The following LNX1 variants were observed in gnomAD, a reference collection of about 807,000 sequenced individuals.
LNX1 encodes E3 ubiquitin-protein ligase LNX.
LNX1 carries 54 observed loss-of-function variants against 68.4 expected under a neutral mutation model. The observed-to-expected ratio is 0.79, with a 90% confidence interval of 0.63 to 0.99. LNX1 has a LOEUF of 0.99. LNX1 is among the 50% of genes least tolerant of loss of function. The probability of loss-of-function intolerance (pLI) is 0.00; values close to 1 mark genes in which losing one functional copy is unlikely to be tolerated. For missense variants in LNX1, 906 were observed against 926.4 expected (o/e 0.98, Z 0.29); for synonymous variants, 336 against 350.0 (o/e 0.96, Z 0.45).
upstream of LNX1, among the ~76,000 whole-genome samples, chr4:53,592,777 G>A (rs1207279970): frequency 6.6e-6 from 1 of 152,148 alleles, no homozygotes; most frequent in African/African-American, 2.4e-5. Flanking sequence ...AAATGGGAGA[G>A]GGAAGAAAAG....
At chr4:53,489,606 T>G (rs1724548714) in intron 6 of LNX1, among the ~76,000 whole-genome samples, 2 of 152,210 alleles carry the variant, frequency 1.3e-5, no homozygotes, top group African/African-American at 4.8e-5. Context: ...AGAGGAAGGG[T>G]AGTGAAGTTT....
intron 6 of LNX1, among the ~76,000 whole-genome samples, chr4:53,487,665 C>T (rs945208551): frequency 3.0e-4 from 45 of 152,284 alleles, no homozygotes; most frequent in Admixed American, 2.4e-3. Flanking sequence ...CCACAGGAGA[C>T]TCATGCTTGA....
At chr4:53,539,914 C>T (rs1337351334) in intron 2 of LNX1, among the ~76,000 whole-genome samples, 1 of 152,216 alleles carries the variant, frequency 6.6e-6, no homozygotes, top group Non-Finnish European at 1.5e-5. Flanking sequence ...TTTCTACTGT[C>T]CTTGCATGGG....
intron 2 of LNX1, among the ~76,000 whole-genome samples, chr4:53,605,032 G>A (rs1376107409): frequency 6.6e-6 from 1 of 152,172 alleles, no homozygotes; most frequent in Non-Finnish European, 1.5e-5. Flanking sequence ...CATTAGCATA[G>A]TGAAGTGGAA....
Position 53,460,774 on chromosome 4 carries a change from G to T in LNX1, c.*133C>A. 1.1e-6 allele frequency: 1 copy of T among 921,648 alleles called. No homozygotes were observed. The highest frequency in any genetic ancestry group is 1.6e-6 in the Non-Finnish European group (1 of 620,534). 57.1% of individuals were successfully genotyped at this position (921,648 alleles called of 1,614,324 possible). ...TCTGAGGTGTAACTGGCTTTCATTA[G>T]ATGATCATACTTTTCCTGACATTTT... On this transcript the variant is annotated 3_prime_UTR_variant, in exon 11 of 11. Coordinates refer to ENST00000263925, the MANE Select transcript of LNX1 (RefSeq NM_001126328.3).
rs148527442 is a variant in LNX1, at chr4:53,496,955, G to A, written c.979-561C>T. 7.2e-3 allele frequency among the ~76,000 whole-genome samples: 1,100 copies of A among 152,288 alleles called. 11 individuals carry two copies. The highest frequency in any genetic ancestry group is 0.025 in the African/African-American group (1,035 of 41,552). On this transcript the variant is annotated intron_variant, in intron 5 of 10. Coordinates refer to ENST00000263925, the MANE Select transcript of LNX1 (RefSeq NM_001126328.3). Reference sequence around the variant, plus strand: ...TGTGAGCACGATGGAGTGTATGTGCGTGTGATACTGTGTGTGTGCGGATGG... The same window carrying A: ...TGTGAGCACGATGGAGTGTATGTGCATGTGATACTGTGTGTGTGCGGATGG...
intron 2 of LNX1, among the ~76,000 whole-genome samples, chr4:53,613,609 C>A (rs1733576445): frequency 6.6e-6 from 1 of 152,122 alleles, no homozygotes; most frequent in Non-Finnish European, 1.5e-5. Context: ...GCCTCCAGCT[C>A]CACCCATATT....
At chr4:53,560,477 T>C (rs1730208084) in intron 2 of LNX1, among the ~76,000 whole-genome samples, 1 of 152,226 alleles carries the variant, frequency 6.6e-6, no homozygotes, top group South Asian at 2.1e-4. Flanking sequence ...CCAGGTTTTA[T>C]TTATGCTGTT....
At chr4:53,579,802 G>A (rs1270200042) in intron 1 of LNX1, among the ~76,000 whole-genome samples, 4 of 152,144 alleles carry the variant, frequency 2.6e-5, no homozygotes, top group Admixed American at 2.6e-4. Flanking sequence ...AGATGTAGTT[G>A]CCAGAATAAA....
intron 1 of LNX1, among the ~76,000 whole-genome samples, chr4:53,623,674 A>G (rs1560697815): frequency 6.6e-6 from 1 of 152,124 alleles, no homozygotes; most frequent in Non-Finnish European, 1.5e-5. Flanking sequence ...TTATATGGCT[A>G]TGTTTTATTT....
chr4:53,609,775 A>T (rs2109846403), intron 2 of LNX1, among the ~76,000 whole-genome samples: 1 of 144,796 alleles, frequency 6.9e-6, no homozygotes, highest in Non-Finnish European at 1.5e-5. Flanking sequence ...TATATATTAT[A>T]TATAATATAT....
intron 9 of LNX1, among the ~76,000 whole-genome samples, chr4:53,464,765 CAGA>C (rs3067118): frequency 0.16 from 24,885 of 151,980 alleles, 2,061 homozygotes; most frequent in South Asian, 0.23. Flanking sequence ...TTCAGGAGAA[CAGA>C]AGATTTTAAA....
intron 2 of LNX1, among the ~76,000 whole-genome samples, chr4:53,611,454 GGTTT>G (rs1387959153): frequency 5.3e-5 from 8 of 152,152 alleles, no homozygotes; most frequent in African/African-American, 1.7e-4. Flanking sequence ...GGGTATTTCG[GGTTT>G]GTTTGTTGTT....
At chr4:53,638,257 G>A (rs962088834) in intron 1 of LNX1, among the ~76,000 whole-genome samples, 5 of 152,198 alleles carry the variant, frequency 3.3e-5, no homozygotes, top group African/African-American at 1.2e-4. Flanking sequence ...TAAGTTGACA[G>A]CAGAAGAAAT....
At chr4:53,606,795 C>T (rs1733253983) in intron 2 of LNX1, among the ~76,000 whole-genome samples, 1 of 152,056 alleles carries the variant, frequency 6.6e-6, no homozygotes, top group African/African-American at 2.4e-5. Context: ...TGCAAGGTTG[C>T]TTCAACATAC....
chr4:53,488,733 T>C (rs1270127612), intron 6 of LNX1, among the ~76,000 whole-genome samples: 4 of 152,132 alleles, frequency 2.6e-5, no homozygotes, highest in African/African-American at 4.8e-5. Flanking sequence ...GGACAAATTA[T>C]AGCAGAGCAG....
At chr4:53,485,593 G>T (rs148799061) in intron 6 of LNX1, among the ~76,000 whole-genome samples, 12 of 152,336 alleles carry the variant, frequency 7.9e-5, no homozygotes, top group African/African-American at 2.9e-4. Context: ...GACTGGATCT[G>T]TGGCTCTTAC....
chr4:53,618,522 T>C (rs1733758386), upstream of LNX1, among the ~76,000 whole-genome samples: 1 of 152,186 alleles, frequency 6.6e-6, no homozygotes, highest in Non-Finnish European at 1.5e-5. Context: ...GTCTTGCTAA[T>C]AGAACAGAGC....
At chr4:53,525,886 C>A (rs933173758) in intron 2 of LNX1, among the ~76,000 whole-genome samples, 4 of 152,130 alleles carry the variant, frequency 2.6e-5, no homozygotes, top group African/African-American at 4.8e-5. Context: ...TAATGAAATT[C>A]TTTGTGAGGT....
Sources: gnomAD v4.1 joint callset for allele counts (sites outside exome capture counted in the v4.1 genomes callset) on GRCh38, gnomAD v4.1.1 for gene constraint, MANE v1.5 for transcripts, NCBI Gene and HGNC (gene_info 2026-07-23, HGNC 2026-07-21) for gene names.